TBX5: variants seen among roughly 807,000 people sequenced by gnomAD.
TBX5 encodes the protein T-box transcription factor TBX5.
TBX5 carries 8 observed loss-of-function variants against 51.1 expected under a neutral mutation model. The observed-to-expected ratio is 0.16, with a 90% CI of 0.09 to 0.28. The LOEUF is 0.28. Among genes scored for constraint, TBX5 ranks in the 10% least tolerant of loss-of-function variants. TBX5 has a pLI of 1.00. For synonymous variants in TBX5, 302 were observed against 266.4 expected, an observed-to-expected ratio of 1.13 and a Z score of -1.30; for missense variants, 589 against 671.7, an observed-to-expected ratio of 0.88 and a Z score of 1.36.
intron 3 of TBX5, among the ~76,000 whole-genome samples, chr12:114,400,056 C>T (rs1301733861): frequency 6.6e-6 from 1 of 152,206 alleles, no homozygotes; most frequent in Non-Finnish European, 1.5e-5. Context: ...GGTGCTTCCG[C>T]CGATCCTCGC....
At chr12:114,399,675 T>C in intron 3 of TBX5, 43 bp from the exon 4 acceptor site, 3 of 1,613,916 alleles carry the variant, frequency 1.9e-6, no homozygotes, top group Middle Eastern at 1.7e-4. Context: ...CGGGAATTAA[T>C]GCCAGTATTT....
chr12:114,395,369 T>G (rs1232008456), intron 5 of TBX5, among the ~76,000 whole-genome samples: 1 of 152,064 alleles, frequency 6.6e-6, no homozygotes, highest in Non-Finnish European at 1.5e-5. Context: ...AGATATCAAG[T>G]GTTTGGAAAA....
intron 5 of TBX5, among the ~76,000 whole-genome samples, chr12:114,396,598 G>T (rs915792912): frequency 2.0e-5 from 3 of 152,132 alleles, no homozygotes; most frequent in Admixed American, 2.0e-4. Context: ...CCGCCCTAGA[G>T]AGACCCCAAA....
intron 3 of TBX5, 111 bp from the exon 4 acceptor site, chr12:114,399,743 G>C: frequency 6.5e-7 from 1 of 1,544,284 alleles, no homozygotes; most frequent in Non-Finnish European, 8.9e-7. Context: ...ACGTGGAAGC[G>C]GAAACTAGCC....
intron 5 of TBX5, among the ~76,000 whole-genome samples, chr12:114,395,989 G>A (rs1197107610): frequency 6.6e-6 from 1 of 152,144 alleles, no homozygotes; most frequent in Non-Finnish European, 1.5e-5. Context: ...GAATCGCCGC[G>A]TTTAACAGCC....
intron 8 of TBX5, among the ~76,000 whole-genome samples, chr12:114,361,878 C>T (rs1170772069): frequency 1.3e-5 from 2 of 152,092 alleles, no homozygotes; most frequent in African/African-American, 4.8e-5. Flanking sequence ...TGGGAGCTCC[C>T]TTTTGGGGGT....
upstream of TBX5, chr12:114,407,175 T>C: frequency 5.4e-6 from 5 of 931,324 alleles, no homozygotes; most frequent in Non-Finnish European, 3.8e-6. Flanking sequence ...AATGCCAAAG[T>C]GGAGAATCTC....
At chr12:114,389,346 A>T (rs1871019453) in intron 6 of TBX5, among the ~76,000 whole-genome samples, 1 of 152,176 alleles carries the variant, frequency 6.6e-6, no homozygotes, top group Admixed American at 6.5e-5. Context: ...AAAACCCAAC[A>T]TCTAATGGGA....
intron 5 of TBX5, among the ~76,000 whole-genome samples, chr12:114,397,422 A>G (rs939599374): frequency 5.3e-5 from 8 of 152,218 alleles, no homozygotes; most frequent in Admixed American, 5.2e-4. Flanking sequence ...AGACGAATGT[A>G]CCCACTTGTA....
chr12:114,367,967 G>A (rs1869645575), intron 7 of TBX5, among the ~76,000 whole-genome samples: 1 of 152,120 alleles, frequency 6.6e-6, no homozygotes, highest in African/African-American at 2.4e-5. Context: ...AGAGGCCCAT[G>A]GCATCAAACA....
chr12:114,407,098 G>C, upstream of TBX5: 1 of 985,378 alleles, frequency 1.0e-6, no homozygotes, highest in Non-Finnish European at 1.2e-6. Flanking sequence ...GAAATGCCCC[G>C]AGGTCAGCAG....
chr12:114,404,732 G>A (rs919507218), intron 1 of TBX5, among the ~76,000 whole-genome samples: 2 of 152,118 alleles, frequency 1.3e-5, no homozygotes, highest in African/African-American at 2.4e-5. Flanking sequence ...CTCTGATGCC[G>A]GGCGGGGGAT....
chr12:114,360,149 T>C lies in TBX5; in HGVS notation c.983-4043A>G, dbSNP rs539052059. On this transcript the variant is annotated intron_variant, in intron 8 of 8. Coordinates refer to ENST00000405440, the MANE Select transcript of TBX5 (RefSeq NM_181486.4). ...GGCGAGTCTTCCCAGACAGAGACCCTGAAACTCAGAGTAGTAATCTTTCTA... is the reference window on the plus strand; with the variant it reads ...GGCGAGTCTTCCCAGACAGAGACCCCGAAACTCAGAGTAGTAATCTTTCTA... 6.6e-5 allele frequency among the ~76,000 whole-genome samples: 10 copies of C among 152,350 alleles called. No homozygotes were observed. The South Asian group carries it at 2.1e-3, about 32-fold the overall frequency.
intron 2 of TBX5, 114 bp downstream of exon 2, chr12:114,403,637 GT>G: frequency 6.8e-7 from 1 of 1,463,522 alleles, no homozygotes; most frequent in Non-Finnish European, 9.1e-7. Context: ...CGTTGGGTTC[GT>G]TTTGGGGTTT....
At chr12:114,374,434 G>T (rs1426758154) in intron 7 of TBX5, among the ~76,000 whole-genome samples, 1 of 152,164 alleles carries the variant, frequency 6.6e-6, no homozygotes, top group Non-Finnish European at 1.5e-5. Context: ...TTATAGTTCT[G>T]GGGAACAGCA....
At chr12:114,392,012 G>T (rs922483973) in intron 6 of TBX5, among the ~76,000 whole-genome samples, 5 of 152,076 alleles carry the variant, frequency 3.3e-5, no homozygotes, top group Admixed American at 6.6e-5. Flanking sequence ...AGAACATTAT[G>T]CACAGCTCAA....
intron 7 of TBX5, among the ~76,000 whole-genome samples, chr12:114,368,176 T>G (rs1869657903): frequency 6.6e-6 from 1 of 152,228 alleles, no homozygotes. Context: ...TAATTATAGT[T>G]ATTTTAATGC....
chr12:114,391,014 G>C (rs900937366), intron 6 of TBX5, among the ~76,000 whole-genome samples: 1 of 152,136 alleles, frequency 6.6e-6, no homozygotes, highest in Non-Finnish European at 1.5e-5. Context: ...GTGGTATATG[G>C]GTATGTGATT....
chr12:114,392,223 G>T (rs1222914826), intron 6 of TBX5, among the ~76,000 whole-genome samples: 2 of 151,230 alleles, frequency 1.3e-5, no homozygotes, highest in Non-Finnish European at 2.9e-5. Flanking sequence ...ACCCCATTGG[G>T]CAGGCAGGCA....
Sources: gnomAD v4.1 joint callset for allele counts (sites outside exome capture counted in the v4.1 genomes callset) on GRCh38, gnomAD v4.1.1 for gene constraint, MANE v1.5 for transcripts, NCBI Gene and HGNC (gene_info 2026-07-23, HGNC 2026-07-21) for gene names.